Variants in IPCEF1 observed in about 807,000 individuals in gnomAD.
IPCEF1 encodes interaction protein for cytohesin exchange factors 1, also known as interactor protein for cytohesin exchange factors 1.
Under a neutral mutation model 50.9 loss-of-function variants are expected in IPCEF1, and 31 were observed. The observed-to-expected ratio is 0.61, with a 90% CI of 0.46 to 0.82. IPCEF1 has a LOEUF of 0.82. IPCEF1 is among the 40% of genes least tolerant of loss of function. The probability of loss-of-function intolerance (pLI) is 0.00; values close to 1 mark genes in which losing one functional copy is unlikely to be tolerated. For synonymous variants in IPCEF1, 181 were observed against 192.0 expected (o/e 0.94, Z 0.47); for missense variants, 458 against 514.0 (o/e 0.89, Z 1.05).
At chr6:154,295,420 C>T (rs961040605) in intron 1 of IPCEF1, among the ~76,000 whole-genome samples, 1 of 152,152 alleles carries the variant, frequency 6.6e-6, no homozygotes, top group Non-Finnish European at 1.5e-5. Flanking sequence ...GGGTGGCTGC[C>T]GTGCTGCCCC....
At chr6:154,221,518 T>A (rs562499139) in intron 6 of IPCEF1, among the ~76,000 whole-genome samples, 190 bp from the exon 7 acceptor site, 1 of 152,328 alleles carries the variant, frequency 6.6e-6, no homozygotes, top group Non-Finnish European at 1.5e-5. Flanking sequence ...AAGAGTCAAT[T>A]TTTTATGTCA....
chr6:154,212,727 A>G, intron 9 of IPCEF1, 43 bp downstream of exon 9: 2 of 1,289,134 alleles, frequency 1.6e-6, no homozygotes, highest in South Asian at 1.2e-5. Flanking sequence ...TGACATCCAC[A>G]TGTCTGATCG....
rs542205365 is a variant in IPCEF1, at chr6:154,222,853, T to C, written c.320+317A>G. 75 of 341,144 alleles carry C rather than the reference T, an allele frequency of 2.2e-4. 3 individuals carry two copies. Among genetic ancestry groups the C allele is most frequent in the South Asian group, 2.1e-3 (50 of 23,692 alleles). 21.1% of individuals were successfully genotyped at this position (341,144 alleles called of 1,614,324 possible). On this transcript the variant is annotated intron_variant, in intron 6 of 11. Transcript: ENST00000367220. ...ATTTAACTGCTTGTTTTTTCTTTAG[T>C]AGAACCGAAGCTTGACATCTGACCT...
At chr6:154,261,844 C>T (rs1443267624) in intron 3 of IPCEF1, among the ~76,000 whole-genome samples, 1 of 152,252 alleles carries the variant, frequency 6.6e-6, no homozygotes, top group African/African-American at 2.4e-5. Flanking sequence ...TGGTATGCTC[C>T]TCATCTTTAT....
In IPCEF1 at chr6:154,214,233, T is replaced by C. The variant is rs771560630; in HGVS notation, c.436A>G (p.Thr146Ala). ...TAGAACATACCTTCATCCTTTGTAG[T>C]GGATTCCTGATGGATTACAGCCGAT... is the stretch of plus-strand genomic sequence containing the variant. ...LGSAVIHQES[T>A]TKDEECYSES... Residue 146 changes from threonine (T) to alanine (A), a missense_variant, in exon 8 of 12, where the codon ACT (threonine) becomes GCT (alanine). Coordinates refer to ENST00000367220, the MANE Select transcript of IPCEF1 (RefSeq NM_001130700.2). 6.2e-7 allele frequency: 1 copy of C among 1,608,314 alleles called. No homozygotes were observed. Among genetic ancestry groups the C allele is most frequent in the Non-Finnish European group, 8.5e-7 (1 of 1,174,664 alleles).
intron 4 of IPCEF1, chr6:154,247,025 G>T: frequency 2.3e-6 from 1 of 427,570 alleles, no homozygotes; most frequent in South Asian, 5.5e-5. Context: ...AAGAAACAGC[G>T]CAGCAGGAGT....
chr6:154,233,688 G>A (rs1231089632), intron 5 of IPCEF1, among the ~76,000 whole-genome samples: 1 of 152,194 alleles, frequency 6.6e-6, no homozygotes, highest in Non-Finnish European at 1.5e-5. Context: ...GAAGAGGGGA[G>A]GGTTCTGCAG....
At chr6:154,163,648 G>A (rs796539611) in intron 11 of IPCEF1, among the ~76,000 whole-genome samples, 59 of 152,272 alleles carry the variant, frequency 3.9e-4, no homozygotes, top group African/African-American at 1.4e-3. Context: ...GTTTACACAT[G>A]TAGACATTCG....
chr6:154,323,826 G>A (rs1038096766), intron 1 of IPCEF1, among the ~76,000 whole-genome samples: 1 of 152,160 alleles, frequency 6.6e-6, no homozygotes, highest in Non-Finnish European at 1.5e-5. Flanking sequence ...GGTGGCAGAC[G>A]CCTGTAATCC....
intron 1 of IPCEF1, among the ~76,000 whole-genome samples, chr6:154,309,636 TC>T (rs964911911): frequency 4.6e-5 from 7 of 152,336 alleles, no homozygotes; most frequent in African/African-American, 1.7e-4. Context: ...GTATTTTTTT[TC>T]ATCTGCCCTG....
At chr6:154,295,791 G>A (rs544857776) in intron 1 of IPCEF1, among the ~76,000 whole-genome samples, 2 of 152,086 alleles carry the variant, frequency 1.3e-5, no homozygotes, top group South Asian at 4.2e-4. Flanking sequence ...AATACTCCTG[G>A]TCATGCCTCT....
chr6:154,216,615 A>G (rs1447619202), intron 7 of IPCEF1, among the ~76,000 whole-genome samples: 1 of 152,196 alleles, frequency 6.6e-6, no homozygotes, highest in African/African-American at 2.4e-5. Context: ...CACACCTGTA[A>G]TCCCAGCACT....
intron 5 of IPCEF1, among the ~76,000 whole-genome samples, chr6:154,238,852 T>C (rs1033860002): frequency 1.3e-5 from 2 of 151,982 alleles, no homozygotes; most frequent in Admixed American, 1.3e-4. Context: ...GGCCCTATTG[T>C]ATAATCTTTT....
intron 10 of IPCEF1, among the ~76,000 whole-genome samples, chr6:154,188,772 G>T (rs1428090008): frequency 6.6e-6 from 1 of 152,200 alleles, no homozygotes; most frequent in East Asian, 1.9e-4. Flanking sequence ...GAGAAAAATG[G>T]CGTGTACAGA....
rs1436049531 is a variant in IPCEF1, at chr6:154,329,530, GC to G, written c.-62+27141del. 2.6e-5 allele frequency among the ~76,000 whole-genome samples: 4 copies of G among 151,856 alleles called. No individual in the cohort carries two copies. In the East Asian group the frequency reaches 7.7e-4, roughly 29 times the overall value. Reference sequence around the variant, plus strand: ...GAGGATCACTTGAGCCCAGGAGGCTGCAGTGAGCCATGACCGCGCCACTGCC... The same window carrying G: ...GAGGATCACTTGAGCCCAGGAGGCTGAGTGAGCCATGACCGCGCCACTGCC... On this transcript the variant is annotated intron_variant, in intron 1 of 11. Transcript: ENST00000367220.
chr6:154,229,406 G>A (rs2128624597), intron 5 of IPCEF1, among the ~76,000 whole-genome samples: 1 of 141,026 alleles, frequency 7.1e-6, no homozygotes, highest in South Asian at 2.2e-4. Context: ...CTGGACTGCA[G>A]TGGCGCGATC....
chr6:154,292,515 C>T (rs2128669865), intron 1 of IPCEF1, among the ~76,000 whole-genome samples: 1 of 152,256 alleles, frequency 6.6e-6, no homozygotes, highest in South Asian at 2.1e-4. Context: ...GTTCATACAA[C>T]CAGCAAGTCT....
At chr6:154,247,596 T>C in intron 3 of IPCEF1, 108 bp from the exon 4 acceptor site, 1 of 870,622 alleles carries the variant, frequency 1.1e-6, no homozygotes, top group South Asian at 1.7e-5. Flanking sequence ...GGATGGAATC[T>C]AAAAAAAAAC....
intron 1 of IPCEF1, among the ~76,000 whole-genome samples, chr6:154,330,353 AAGAC>A (rs1303556923): frequency 1.0e-5 from 1 of 99,848 alleles, no homozygotes; most frequent in African/African-American, 3.9e-5. Context: ...TTTTTTTTTT[AAGAC>A]AGGATCTCTC....
Sources: gnomAD v4.1 joint callset for allele counts (sites outside exome capture counted in the v4.1 genomes callset) on GRCh38, gnomAD v4.1.1 for gene constraint, MANE v1.5 for transcripts, NCBI Gene and HGNC (gene_info 2026-07-23, HGNC 2026-07-21) for gene names.